HOMER2: variants seen among roughly 807,000 people sequenced by gnomAD.
HOMER2 encodes homer protein homolog 2.
In HOMER2, 27 loss-of-function variants were observed where a neutral mutation model predicts 47.0. The ratio of observed to expected loss-of-function variants is 0.57; its 90% CI spans 0.42 to 0.79. HOMER2 has a LOEUF of 0.79. HOMER2 is among the 30% of genes least tolerant of loss of function. The pLI, the probability that HOMER2 is intolerant of heterozygous loss-of-function variation, is 0.00. For synonymous variants in HOMER2, 161 were observed against 163.8 expected (o/e 0.98, Z 0.13); for missense variants, 443 against 435.0 (o/e 1.02, Z -0.16).
At chr15:82,910,132 C>CAAAAAAAAA (rs35191408) in intron 1 of HOMER2, among the ~76,000 whole-genome samples, 4 of 22,140 alleles carry the variant, frequency 1.8e-4, no homozygotes, top group African/African-American at 4.9e-4. Flanking sequence ...GATTCTGTCT[C>CAAAAAAAAA]AAAAAAAAAA....
At chr15:82,952,721 G>A (rs2054536778), upstream of HOMER2, 1 of 980,744 alleles carries the variant, frequency 1.0e-6, no homozygotes, top group South Asian at 4.7e-5. Context: ...CGCCAGGCGC[G>A]GGCGGGCGGG....
chr15:82,971,105 C>T (rs1321889499), intron 1 of HOMER2, among the ~76,000 whole-genome samples: 1 of 152,176 alleles, frequency 6.6e-6, no homozygotes, highest in Non-Finnish European at 1.5e-5. Flanking sequence ...AATTAATACA[C>T]GGGCACCTGT....
chr15:82,956,263 G>A (rs1008764505), upstream of HOMER2, among the ~76,000 whole-genome samples: 2 of 150,386 alleles, frequency 1.3e-5, no homozygotes, highest in African/African-American at 4.9e-5. Flanking sequence ...AAAAAGAAGA[G>A]GCTTGAAGAC....
At chr15:82,968,802 GA>G (rs1256713975) in intron 1 of HOMER2, among the ~76,000 whole-genome samples, 1 of 152,180 alleles carries the variant, frequency 6.6e-6, no homozygotes, top group Non-Finnish European at 1.5e-5. Flanking sequence ...TTTATTTTGA[GA>G]GGGAGTGTGG....
intron 5 of HOMER2, 76 bp from the exon 6 acceptor site, chr15:82,854,876 T>C: frequency 6.5e-7 from 1 of 1,528,018 alleles, no homozygotes; most frequent in Non-Finnish European, 8.9e-7. Flanking sequence ...GGAAGGGGAC[T>C]CCGCCATCCC....
At chr15:82,970,855 G>C (rs2029961015) in intron 1 of HOMER2, among the ~76,000 whole-genome samples, 1 of 152,170 alleles carries the variant, frequency 6.6e-6, no homozygotes, top group African/African-American at 2.4e-5. Context: ...TCCAGCTCCT[G>C]TTTGTCTAAA....
chr15:82,980,891 G>T (rs2030371117), intron 1 of HOMER2, among the ~76,000 whole-genome samples: 1 of 152,164 alleles, frequency 6.6e-6, no homozygotes, highest in African/African-American at 2.4e-5. Flanking sequence ...GAACAGAAAA[G>T]ATAGAGAAGT....
chr15:82,961,866 C>T (rs1041330842), intron 1 of HOMER2, among the ~76,000 whole-genome samples: 14 of 152,058 alleles, frequency 9.2e-5, no homozygotes, highest in Non-Finnish European at 8.8e-5. Flanking sequence ...CTGGCTCAAG[C>T]GATTCTCCTG....
upstream of HOMER2, among the ~76,000 whole-genome samples, chr15:82,953,574 T>TA (rs1048032518): frequency 3.3e-5 from 5 of 152,102 alleles, no homozygotes; most frequent in African/African-American, 1.2e-4. Flanking sequence ...CTCAGGACAG[T>TA]AAAAAAGTCA....
intron 1 of HOMER2, among the ~76,000 whole-genome samples, chr15:82,980,961 C>T (rs562253310): frequency 2.6e-5 from 4 of 152,046 alleles, no homozygotes; most frequent in East Asian, 3.9e-4. Flanking sequence ...AAAGGAGATC[C>T]GAGATAGTCT....
intron 1 of HOMER2, among the ~76,000 whole-genome samples, chr15:82,946,679 T>A (rs2054389719): frequency 6.6e-6 from 1 of 152,200 alleles, no homozygotes. Flanking sequence ...TGCTATGTAA[T>A]AAACTGTGTA....
chr15:82,842,057 T>C (rs1427519887), exon 2 of HOMER2: 1 of 152,234 alleles, frequency 6.6e-6, no homozygotes, highest in Non-Finnish European at 1.5e-5. Flanking sequence ...TCTAATGTTT[T>C]AAAGTCATAA....
intron 1 of HOMER2, among the ~76,000 whole-genome samples, chr15:82,906,155 C>A (rs2053280326): frequency 6.6e-6 from 1 of 151,120 alleles, no homozygotes; most frequent in South Asian, 2.1e-4. Context: ...TCTATGGCAG[C>A]CAGTAAAAAA....
At chr15:82,969,503 G>T (rs1002780208) in intron 1 of HOMER2, among the ~76,000 whole-genome samples, 1 of 152,146 alleles carries the variant, frequency 6.6e-6, no homozygotes, top group East Asian at 1.9e-4. Flanking sequence ...TGAGAAGCTG[G>T]GTTTGTCAGC....
chr15:82,860,519 C>A (rs2051740127), intron 4 of HOMER2, among the ~76,000 whole-genome samples: 1 of 152,050 alleles, frequency 6.6e-6, no homozygotes, highest in Non-Finnish European at 1.5e-5. Context: ...AAAAATAAAG[C>A]TCTTGAAAAT....
chr15:82,881,536 C>T (rs575629225), intron 2 of HOMER2, among the ~76,000 whole-genome samples: 2 of 152,120 alleles, frequency 1.3e-5, no homozygotes, highest in Non-Finnish European at 2.9e-5. Flanking sequence ...TCACAGACAG[C>T]GAAGAAAAGA....
chr15:82,976,850 A>T (rs1241481792), intron 1 of HOMER2, among the ~76,000 whole-genome samples: 1 of 148,890 alleles, frequency 6.7e-6, no homozygotes, highest in Non-Finnish European at 1.5e-5. Context: ...CTGATTTTGT[A>T]CTTTTAGTAG....
At chr15:82,933,924 C>T (rs896793466) in intron 1 of HOMER2, among the ~76,000 whole-genome samples, 1 of 152,152 alleles carries the variant, frequency 6.6e-6, no homozygotes, top group Non-Finnish European at 1.5e-5. Flanking sequence ...CACCACACTT[C>T]CCTGCCACCC....
chr15:82,875,766 T>C (rs2052329378), intron 2 of HOMER2, among the ~76,000 whole-genome samples: 1 of 152,232 alleles, frequency 6.6e-6, no homozygotes. Flanking sequence ...ATGTCCCACA[T>C]TCTTGGAAGA....
Sources: gnomAD v4.1 joint callset for allele counts (sites outside exome capture counted in the v4.1 genomes callset) on GRCh38, gnomAD v4.1.1 for gene constraint, MANE v1.5 for transcripts, NCBI Gene and HGNC (gene_info 2026-07-23, HGNC 2026-07-21) for gene names.